ARHGEF18: variants seen among roughly 807,000 people sequenced by gnomAD.
The protein encoded by ARHGEF18 is Rho/Rac guanine nucleotide exchange factor 18, also known as rho guanine nucleotide exchange factor 18.
A neutral mutation model predicts 155.7 loss-of-function variants in ARHGEF18; 93 were observed. The observed-to-expected ratio is 0.60, with a 90% confidence interval of 0.50 to 0.71. The LOEUF is 0.71. Ranked by LOEUF, ARHGEF18 falls within the 30% of genes least tolerant of loss-of-function variation. ARHGEF18 has a pLI of 0.00. For missense variants in ARHGEF18, 1,593 were observed against 1,816.1 expected (o/e 0.88, Z 2.23); for synonymous variants, 742 against 753.1 (o/e 0.99, Z 0.24).
chr19:7,374,055 G>A (rs1332042977), intron 3 of ARHGEF18, among the ~76,000 whole-genome samples: 8 of 151,760 alleles, frequency 5.3e-5, no homozygotes, highest in Non-Finnish European at 1.2e-4. Context: ...TCACCATGCC[G>A]GGCCCCTGCT....
intron 19 of ARHGEF18, 45 bp from the exon 20 acceptor site, chr19:7,459,858 C>T (rs756654837): frequency 1.3e-6 from 2 of 1,518,422 alleles, no homozygotes; most frequent in African/African-American, 1.4e-5. Flanking sequence ...CCGAGGCTGG[C>T]CTGCCTGGGA....
intron 10 of ARHGEF18, among the ~76,000 whole-genome samples, chr19:7,401,871 G>A (rs73923395): frequency 0.08 from 12,207 of 152,126 alleles, 1,606 homozygotes; most frequent in African/African-American, 0.27. Context: ...ATGTGGTCCC[G>A]CCATACTGTG....
At chr19:7,356,085 G>A (rs1568260011) in intron 1 of ARHGEF18, among the ~76,000 whole-genome samples, 1 of 151,910 alleles carries the variant, frequency 6.6e-6, no homozygotes, top group Admixed American at 6.6e-5. Flanking sequence ...AACAAAAACG[G>A]GGGGATTAGA....
Position 7,440,563 on chromosome 19 carries a change from C to G in ARHGEF18, c.1106+81C>G, listed in dbSNP as rs1238802875. 1 of 1,475,540 alleles carries G rather than the reference C, an allele frequency of 6.8e-7. No homozygotes were observed. The highest frequency in any genetic ancestry group is 1.4e-5 in the African/African-American group (1 of 72,028). The allele number at this position is 1,475,540 out of a possible 1,614,324, so 91.4% of individuals were successfully genotyped here. A position where few individuals can be genotyped will look rare whatever the true frequency, so the allele number is the denominator to read the frequency against. ...TGTTGACAGCCTCTTCGGAGGGAGA[C>G]CCCGACTTAGATCTGTGTGAATCCA... On this transcript the variant is annotated intron_variant, in intron 11 of 28. Coordinates refer to ENST00000668164, the MANE Select transcript of ARHGEF18 (RefSeq NM_001367823.1). This position sits in a 1 kb window ranked among gnomAD's most constrained non-coding sequence, Gnocchi z 5.4.
chr19:7,463,014 C>T lies in ARHGEF18; in HGVS notation c.2635+680C>T, dbSNP rs938528142. Among the ~76,000 whole-genome samples, 7 of 151,648 alleles carry T rather than the reference C, an allele frequency of 4.6e-5. No individual in the cohort carries two copies. Among genetic ancestry groups the T allele is most frequent in the African/African-American group, 1.7e-4 (7 of 41,324 alleles). On this transcript the variant is annotated intron_variant, in intron 21 of 28. Transcript: ENST00000668164. The surrounding 1 kb of genome is among the most constrained non-coding windows in gnomAD (Gnocchi z 5.2). ...ACGCCCAGCTAATTTTTGTATTTTT[C>T]GTAGAGATGGGGTTTCACCATGTTG...
chr19:7,372,072 G>A (rs977480241), intron 2 of ARHGEF18, among the ~76,000 whole-genome samples: 23 of 152,192 alleles, frequency 1.5e-4, no homozygotes, highest in Non-Finnish European at 2.6e-4. Flanking sequence ...ATGGATGCCT[G>A]GAGCCACATC....
intron 20 of ARHGEF18, among the ~76,000 whole-genome samples, chr19:7,460,401 T>C (rs962936806): frequency 8.5e-5 from 13 of 152,158 alleles, no homozygotes; most frequent in Non-Finnish European, 1.5e-5. Flanking sequence ...ACGATTGAGA[T>C]GTAATTCACA....
intron 2 of ARHGEF18, among the ~76,000 whole-genome samples, chr19:7,369,061 G>A (rs1364586279): frequency 6.6e-6 from 1 of 152,334 alleles, no homozygotes; most frequent in East Asian, 1.9e-4. Flanking sequence ...CAGGCGCGGC[G>A]GCTCATGCCC....
At chr19:7,419,268 GGT>G (rs771601831) in intron 10 of ARHGEF18, among the ~76,000 whole-genome samples, 11,306 of 133,388 alleles carry the variant, frequency 0.085, 1,437 homozygotes, top group African/African-American at 0.27. Flanking sequence ...CCGCACCCCA[GGT>G]GTGCCCACAC....
At chr19:7,438,684 T>C (rs529853979) in intron 10 of ARHGEF18, among the ~76,000 whole-genome samples, 315 of 152,274 alleles carry the variant, frequency 2.1e-3, no homozygotes, top group Non-Finnish European at 3.9e-3. Flanking sequence ...GTGCTGGGAT[T>C]ACAGGCATGA....
At chr19:7,429,960 A>G (rs6603164) in intron 10 of ARHGEF18, among the ~76,000 whole-genome samples, 86,235 of 151,118 alleles carry the variant, frequency 0.57, 24,833 homozygotes, top group East Asian at 0.75. Flanking sequence ...TTGTGCCTCA[A>G]TATACTTTTT....
intron 8 of ARHGEF18, among the ~76,000 whole-genome samples, chr19:7,382,203 G>A (rs1166314036): frequency 6.6e-6 from 1 of 151,992 alleles, no homozygotes; most frequent in Non-Finnish European, 1.5e-5. Flanking sequence ...ACCTAAGCCT[G>A]GCCAACACGG....
At chr19:7,435,929 G>T (rs1268195854) in intron 10 of ARHGEF18, among the ~76,000 whole-genome samples, 1 of 152,054 alleles carries the variant, frequency 6.6e-6, no homozygotes, top group Non-Finnish European at 1.5e-5. Context: ...GAACCCCAGG[G>T]CTCAAGCAAT....
intron 10 of ARHGEF18, among the ~76,000 whole-genome samples, chr19:7,426,677 C>T (rs941851484): frequency 6.6e-6 from 1 of 152,010 alleles, no homozygotes; most frequent in African/African-American, 2.4e-5. Flanking sequence ...ACAGAAATGC[C>T]GCTGCCGTGG....
intron 10 of ARHGEF18, among the ~76,000 whole-genome samples, chr19:7,398,912 T>C (rs1238345470): frequency 6.6e-6 from 1 of 152,246 alleles, no homozygotes; most frequent in Non-Finnish European, 1.5e-5. Context: ...TGACTGGCTG[T>C]GCCTCCCTGG....
intron 7 of ARHGEF18, 22 bp from the exon 8 acceptor site, chr19:7,380,895 T>G (rs1263653208): frequency 8.1e-7 from 1 of 1,231,374 alleles, no homozygotes; most frequent in Non-Finnish European, 1.0e-6. Context: ...GACCCAGGTA[T>G]CTGTCCCCTC....
chr19:7,470,971 G>T lies in ARHGEF18; in HGVS notation c.*673G>T. 5.0e-6 allele frequency: 2 copies of T among 399,824 alleles called. No homozygotes were observed. Among genetic ancestry groups the T allele is most frequent in the Non-Finnish European group, 4.4e-6 (1 of 225,544 alleles). The allele number at this position is 399,824 out of a possible 1,614,324, so 24.8% of individuals were successfully genotyped here. ...CCTCCAGTCAGGTTCTGTGGGTTTGGAAGCCCATCGTGAAAGGGGCTGACC... is the reference window on the plus strand; with the variant it reads ...CCTCCAGTCAGGTTCTGTGGGTTTGTAAGCCCATCGTGAAAGGGGCTGACC... On this transcript the variant is annotated 3_prime_UTR_variant, in exon 29 of 29. Coordinates refer to ENST00000668164, the MANE Select transcript of ARHGEF18 (RefSeq NM_001367823.1). This position sits in a 1 kb window ranked among gnomAD's most constrained non-coding sequence, Gnocchi z 5.9.
At chr19:7,389,879 G>C (rs376191300) in intron 10 of ARHGEF18, among the ~76,000 whole-genome samples, 13 of 152,072 alleles carry the variant, frequency 8.5e-5, no homozygotes, top group African/African-American at 2.7e-4. Context: ...AACCCTTTGA[G>C]GTCAAGAAAG....
At chr19:7,379,067 T>A (rs1185199623) in intron 6 of ARHGEF18, 55 bp from the exon 7 acceptor site, 31 of 1,227,270 alleles carry the variant, frequency 2.5e-5, no homozygotes, top group Non-Finnish European at 3.1e-5. Flanking sequence ...TAGGGGAGAG[T>A]GTCTGTAACC....
Sources: gnomAD v4.1 joint callset for allele counts (sites outside exome capture counted in the v4.1 genomes callset) on GRCh38, gnomAD v4.1.1 for gene constraint, Gnocchi (gnomAD v3.1) non-coding constraint, MANE v1.5 for transcripts, NCBI Gene and HGNC (gene_info 2026-07-23, HGNC 2026-07-21) for gene names.